The following PTPRD variants were observed in gnomAD, a reference collection of about 807,000 sequenced individuals.
PTPRD encodes the protein receptor-type tyrosine-protein phosphatase delta.
A neutral mutation model predicts 214.5 loss-of-function variants in PTPRD; 34 were observed. The ratio of observed to expected loss-of-function variants is 0.16; its 90% CI spans 0.12 to 0.21. The LOEUF is 0.21. PTPRD is among the 10% of genes least tolerant of loss of function. The probability of loss-of-function intolerance (pLI) is 1.00; values close to 1 mark genes in which losing one functional copy is unlikely to be tolerated. For missense variants in PTPRD, 2,545 were observed against 2,398.7 expected (o/e 1.06, Z -1.27); for synonymous variants, 1,128 against 845.7 (o/e 1.33, Z -5.79).
intron 3 of PTPRD, among the ~76,000 whole-genome samples, chr9:10,097,821 T>C (rs897879022): frequency 1.3e-5 from 2 of 151,852 alleles, no homozygotes; most frequent in East Asian, 3.9e-4. Flanking sequence ...TGTGCCAGTT[T>C]TCAAAGGGAA....
chr9:8,352,870 T>C (rs1218713381), intron 39 of PTPRD, among the ~76,000 whole-genome samples: 1 of 152,146 alleles, frequency 6.6e-6, no homozygotes, highest in East Asian at 1.9e-4. Context: ...CCCAGCGCTT[T>C]GGGAGGCTGA....
chr9:8,325,854 G>A (rs1222963945), intron 44 of PTPRD, among the ~76,000 whole-genome samples: 1 of 152,096 alleles, frequency 6.6e-6, no homozygotes, highest in Non-Finnish European at 1.5e-5. Flanking sequence ...TTGTGAATGG[G>A]AGTTCACTCG....
chr9:9,664,472 C>A (rs528361121), intron 7 of PTPRD, among the ~76,000 whole-genome samples: 1 of 151,602 alleles, frequency 6.6e-6, no homozygotes, highest in African/African-American at 2.4e-5. Flanking sequence ...TCTGCCCGGA[C>A]ATGCAATTAG....
chr9:9,046,961 A>G (rs1206381298), intron 10 of PTPRD, among the ~76,000 whole-genome samples: 1 of 152,182 alleles, frequency 6.6e-6, no homozygotes, highest in East Asian at 1.9e-4. Flanking sequence ...CCAAATTGGA[A>G]TGGAAAAAGT....
chr9:9,874,167 A>G (rs1315839199), intron 5 of PTPRD, among the ~76,000 whole-genome samples: 2 of 152,154 alleles, frequency 1.3e-5, no homozygotes, highest in African/African-American at 4.8e-5. Flanking sequence ...TAATAAATGA[A>G]CAGAAGCCTG....
intron 7 of PTPRD, among the ~76,000 whole-genome samples, chr9:9,583,349 T>C (rs187349696): frequency 3.3e-5 from 5 of 152,228 alleles, no homozygotes; most frequent in Admixed American, 6.6e-5. Flanking sequence ...AATGCCGCTC[T>C]AAATTATTCA....
chr9:9,780,739 T>C (rs531541731), intron 5 of PTPRD, among the ~76,000 whole-genome samples: 37 of 152,350 alleles, frequency 2.4e-4, no homozygotes, highest in African/African-American at 8.9e-4. Context: ...CATTAATATT[T>C]AGAGCAGCCT....
At chr9:8,768,830 T>C (rs912197865) in intron 11 of PTPRD, among the ~76,000 whole-genome samples, 2 of 152,240 alleles carry the variant, frequency 1.3e-5, no homozygotes, top group Non-Finnish European at 2.9e-5. Flanking sequence ...AACCTAGCTC[T>C]TCTTTTAAGA....
chr9:10,548,590 G>C (rs1281097310), intron 2 of PTPRD, among the ~76,000 whole-genome samples: 1 of 152,014 alleles, frequency 6.6e-6, no homozygotes, highest in Non-Finnish European at 1.5e-5. Context: ...TGACCATGTG[G>C]TGTCCCTGGC....
chr9:9,682,084 T>C (rs2097085626), intron 7 of PTPRD, among the ~76,000 whole-genome samples: 1 of 151,776 alleles, frequency 6.6e-6, no homozygotes. Context: ...GGCTCTAACT[T>C]GCCAGCCCCT....
At chr9:9,968,283 A>G (rs1380935058) in intron 4 of PTPRD, among the ~76,000 whole-genome samples, 1 of 152,196 alleles carries the variant, frequency 6.6e-6, no homozygotes, top group African/African-American at 2.4e-5. Context: ...TGATTTGACT[A>G]AAAGTGATAA....
At chr9:10,394,789 A>AG (rs1471525227) in intron 2 of PTPRD, among the ~76,000 whole-genome samples, 1 of 34,260 alleles carries the variant, frequency 2.9e-5, no homozygotes, top group Non-Finnish European at 5.5e-5. Flanking sequence ...TAAATAGAAT[A>AG]AACGTCAATA....
intron 2 of PTPRD, among the ~76,000 whole-genome samples, chr9:10,354,205 T>C (rs10121269): frequency 0.64 from 97,981 of 151,982 alleles, 34,057 homozygotes; most frequent in African/African-American, 0.91. Flanking sequence ...TTAATACAAC[T>C]GGGATCATCC....
intron 35 of PTPRD, among the ~76,000 whole-genome samples, chr9:8,410,045 C>T (rs764781991): frequency 1.1e-4 from 16 of 152,194 alleles, no homozygotes; most frequent in Non-Finnish European, 1.9e-4. Context: ...GAGCAATCTA[C>T]CATTCACTGT....
chr9:10,205,339 C>T (rs1400536537), intron 3 of PTPRD, among the ~76,000 whole-genome samples: 2 of 150,738 alleles, frequency 1.3e-5, no homozygotes, highest in East Asian at 3.9e-4. Flanking sequence ...GTGAAAGATT[C>T]CTTTTTGTGG....
intron 2 of PTPRD, among the ~76,000 whole-genome samples, chr9:10,539,182 T>A (rs1429238971): frequency 6.6e-6 from 1 of 152,170 alleles, no homozygotes; most frequent in Admixed American, 6.5e-5. Flanking sequence ...TTATTGTTTA[T>A]CACTTTTTTG....
At chr9:8,319,429 C>A (rs1009722497) in intron 45 of PTPRD, among the ~76,000 whole-genome samples, 1 of 151,854 alleles carries the variant, frequency 6.6e-6, no homozygotes, top group African/African-American at 2.4e-5. Flanking sequence ...AGAGCTGATA[C>A]CTCTGTAGGC....
chr9:8,955,398 C>A (rs1373127643), intron 11 of PTPRD, among the ~76,000 whole-genome samples: 1 of 151,684 alleles, frequency 6.6e-6, no homozygotes, highest in Non-Finnish European at 1.5e-5. Context: ...AGACTATAAG[C>A]TCGTAGACTC....
At chr9:9,730,183 A>G (rs1181725925) in intron 7 of PTPRD, among the ~76,000 whole-genome samples, 1 of 152,118 alleles carries the variant, frequency 6.6e-6, no homozygotes, top group East Asian at 1.9e-4. Flanking sequence ...ATACAATACT[A>G]CATTTGAATT....
Sources: gnomAD v4.1 joint callset for allele counts (sites outside exome capture counted in the v4.1 genomes callset) on GRCh38, gnomAD v4.1.1 for gene constraint, MANE v1.5 for transcripts, NCBI Gene and HGNC (gene_info 2026-07-23, HGNC 2026-07-21) for gene names.